Variants in OLFM3 observed in about 807,000 individuals in gnomAD.
The protein encoded by OLFM3 is olfactomedin 3, also known as noelin-3.
A neutral mutation model predicts 48.6 loss-of-function variants in OLFM3; 20 were observed. That is an observed-to-expected ratio of 0.41 (90% CI 0.29 to 0.60). The LOEUF is 0.60. OLFM3 is among the 20% of genes least tolerant of loss of function. OLFM3 has a pLI of 0.28. For synonymous variants in OLFM3, 222 were observed against 198.1 expected (o/e 1.12, Z -1.01); for missense variants, 437 against 544.3 (o/e 0.80, Z 1.96).
intron 1 of OLFM3, among the ~76,000 whole-genome samples, chr1:101,969,252 C>T (rs945079012): frequency 5.9e-5 from 9 of 152,104 alleles, no homozygotes; most frequent in African/African-American, 1.9e-4. Context: ...CAGGCTCAAG[C>T]GATCCTCCTG....
intron 1 of OLFM3, among the ~76,000 whole-genome samples, chr1:101,895,874 C>T (rs1022643399): frequency 2.0e-5 from 3 of 151,844 alleles, no homozygotes; most frequent in Non-Finnish European, 4.4e-5. Flanking sequence ...AAATATATTA[C>T]TTTTATTACT....
chr1:101,888,912 C>A (rs1486100326), intron 1 of OLFM3, among the ~76,000 whole-genome samples: 1 of 152,198 alleles, frequency 6.6e-6, no homozygotes, highest in Non-Finnish European at 1.5e-5. Flanking sequence ...TGCTCATCAT[C>A]ACTGGCCATC....
intron 1 of OLFM3, among the ~76,000 whole-genome samples, chr1:101,976,680 C>T (rs1001746228): frequency 2.0e-5 from 3 of 152,104 alleles, no homozygotes; most frequent in African/African-American, 7.2e-5. Flanking sequence ...TCTCAAGATT[C>T]TACTGCTAAT....
intron 1 of OLFM3, among the ~76,000 whole-genome samples, chr1:101,948,452 T>TGAGAGA (rs141817550): frequency 1.1e-4 from 17 of 149,890 alleles, no homozygotes; most frequent in East Asian, 1.9e-4. Flanking sequence ...AAGACTTGTA[T>TGAGAGA]GAGAGAGAGA....
chr1:101,900,484 C>T (rs1053197198), intron 1 of OLFM3, among the ~76,000 whole-genome samples: 4 of 152,036 alleles, frequency 2.6e-5, no homozygotes, highest in African/African-American at 9.7e-5. Context: ...TATGACAGCT[C>T]ATGATCTGGC....
intron 1 of OLFM3, among the ~76,000 whole-genome samples, chr1:101,946,827 G>A (rs75821203): frequency 0.07 from 10,639 of 152,082 alleles, 431 homozygotes; most frequent in South Asian, 0.14. Context: ...TTGTAGGATC[G>A]TATATTTTAA....
intron 1 of OLFM3, among the ~76,000 whole-genome samples, chr1:101,963,724 A>T (rs1660530354): frequency 6.6e-6 from 1 of 152,194 alleles, no homozygotes; most frequent in Admixed American, 6.5e-5. Context: ...GGAGACCAAA[A>T]GAGCTGGGGG....
intron 1 of OLFM3, among the ~76,000 whole-genome samples, chr1:101,852,246 A>T (rs1358092340): frequency 6.6e-6 from 1 of 151,874 alleles, no homozygotes; most frequent in Non-Finnish European, 1.5e-5. Flanking sequence ...TATACTTACC[A>T]TCTTCAATTT....
intron 1 of OLFM3, among the ~76,000 whole-genome samples, chr1:101,924,807 G>A (rs555204422): frequency 6.6e-6 from 1 of 152,252 alleles, no homozygotes; most frequent in South Asian, 2.1e-4. Flanking sequence ...AGTAACAGGA[G>A]AAAATTATTC....
chr1:101,943,831 G>A (rs991234064), intron 1 of OLFM3, among the ~76,000 whole-genome samples: 1 of 151,776 alleles, frequency 6.6e-6, no homozygotes, highest in African/African-American at 2.4e-5. Flanking sequence ...TGCTGTTATT[G>A]TATATTGGTA....
intron 1 of OLFM3, among the ~76,000 whole-genome samples, chr1:101,962,999 A>AT (rs1227146765): frequency 6.6e-6 from 1 of 152,102 alleles, no homozygotes. Flanking sequence ...ACTTTTCGGG[A>AT]TTTTCACGAA....
At chr1:101,863,655 C>G (rs958715000) in intron 1 of OLFM3, among the ~76,000 whole-genome samples, 1 of 152,046 alleles carries the variant, frequency 6.6e-6, no homozygotes, top group African/African-American at 2.4e-5. Context: ...TATATTTTCC[C>G]TTATAGAATT....
chr1:101,888,767 T>C (rs1414902164), intron 1 of OLFM3, among the ~76,000 whole-genome samples: 1 of 152,162 alleles, frequency 6.6e-6, no homozygotes, highest in Non-Finnish European at 1.5e-5. Flanking sequence ...AAAGGGCTAA[T>C]ATCCAGAATC....
At chr1:101,967,957 T>C (rs1340619359) in intron 1 of OLFM3, among the ~76,000 whole-genome samples, 1 of 152,212 alleles carries the variant, frequency 6.6e-6, no homozygotes, top group East Asian at 1.9e-4. Context: ...CTGTTATTTT[T>C]GGATCAAACA....
intron 1 of OLFM3, among the ~76,000 whole-genome samples, chr1:101,939,078 A>G (rs1659708749): frequency 6.6e-6 from 1 of 152,198 alleles, no homozygotes; most frequent in African/African-American, 2.4e-5. Flanking sequence ...AATGCTTAAA[A>G]AAAAATCCAT....
intron 5 of OLFM3, among the ~76,000 whole-genome samples, chr1:101,805,198 A>C (rs1653708828): frequency 6.7e-6 from 1 of 149,758 alleles, no homozygotes; most frequent in Non-Finnish European, 1.5e-5. Flanking sequence ...GGTGCATATC[A>C]CTGAGTGAAC....
At chr1:101,883,499 T>G (rs543941786) in intron 1 of OLFM3, among the ~76,000 whole-genome samples, 2 of 151,938 alleles carry the variant, frequency 1.3e-5, no homozygotes, top group Admixed American at 1.3e-4. Context: ...TACCTCCTAT[T>G]GTATATTTCA....
intron 1 of OLFM3, among the ~76,000 whole-genome samples, chr1:101,876,460 T>G (rs1657304744): frequency 6.6e-6 from 1 of 152,034 alleles, no homozygotes; most frequent in South Asian, 2.1e-4. Context: ...TAAGCATTTC[T>G]ATATCTCTGG....
Position 101,877,295 on chromosome 1 carries a change from C to A in OLFM3, c.70-40270G>T, listed in dbSNP as rs541524262. ...CAGTATATATCAGGATAACCAGATTCCTCTCTTTCCATTACTTCCTCCTCA... is the reference window on the plus strand; with the variant it reads ...CAGTATATATCAGGATAACCAGATTACTCTCTTTCCATTACTTCCTCCTCA... On this transcript the variant is annotated intron_variant, in intron 1 of 5. Transcript: ENST00000370103. Among the ~76,000 whole-genome samples the A allele has an allele frequency of 7.9e-5, 12 of 152,016 alleles. 1 individual carries two copies. In the South Asian group the frequency reaches 2.5e-3, roughly 32 times the overall value.
Sources: gnomAD v4.1 joint callset for allele counts (sites outside exome capture counted in the v4.1 genomes callset) on GRCh38, gnomAD v4.1.1 for gene constraint, MANE v1.5 for transcripts, NCBI Gene and HGNC (gene_info 2026-07-23, HGNC 2026-07-21) for gene names.